The following NYAP2 variants were observed in gnomAD, a reference collection of about 807,000 sequenced individuals.
NYAP2 encodes neuronal tyrosine-phosphorylated phosphoinositide-3-kinase adaptor 2, also known as neuronal tyrosine-phosphorylated phosphoinositide-3-kinase adapter 2.
In NYAP2, 23 loss-of-function variants were observed where a neutral mutation model predicts 50.4. The observed-to-expected ratio is 0.46, with a 90% CI of 0.33 to 0.65. The LOEUF is 0.65. Among genes scored for constraint, NYAP2 ranks in the 30% least tolerant of loss-of-function variants. NYAP2 has a pLI of 0.02. For synonymous variants in NYAP2, 394 were observed against 365.2 expected (o/e 1.08, Z -0.90); for missense variants, 885 against 861.0 (o/e 1.03, Z -0.35).
At chr2:225,626,209 A>T (rs2106257466) in intron 5 of NYAP2, among the ~76,000 whole-genome samples, 1 of 152,330 alleles carries the variant, frequency 6.6e-6, no homozygotes, top group African/African-American at 2.4e-5. Flanking sequence ...GATAAAAAGA[A>T]TGGTCCAGGC....
rs751749682 is a variant in NYAP2, at chr2:225,527,131, C to T, written c.523+13459C>T. On this transcript the variant is annotated intron_variant, in intron 4 of 6. Coordinates refer to ENST00000636099, the Ensembl canonical transcript of NYAP2. ...CTGCCTTTTTACTGGTCTCACCCAA[C>T]ATCTTCCTATTAAGTTCAGCATTGG... 1.6e-4 allele frequency among the ~76,000 whole-genome samples: 25 copies of T among 152,208 alleles called. 1 individual carries two copies. Among genetic ancestry groups the T allele is most frequent in the Non-Finnish European group, 1.6e-4 (11 of 68,046 alleles).
chr2:225,607,781 A>G (rs1182724050), intron 5 of NYAP2, among the ~76,000 whole-genome samples: 1 of 152,160 alleles, frequency 6.6e-6, no homozygotes, highest in Non-Finnish European at 1.5e-5. Flanking sequence ...GAAAAGGACT[A>G]AAAGCACACC....
chr2:225,598,310 T>A (rs1480725253), intron 5 of NYAP2, among the ~76,000 whole-genome samples: 2 of 152,052 alleles, frequency 1.3e-5, no homozygotes, highest in African/African-American at 2.4e-5. Context: ...ATGTAATTTT[T>A]AAAAATGTCC....
intron 4 of NYAP2, among the ~76,000 whole-genome samples, chr2:225,529,168 C>T (rs1223951462): frequency 1.3e-5 from 2 of 152,124 alleles, no homozygotes; most frequent in East Asian, 1.9e-4. Context: ...AAACGACTTC[C>T]ACCTCTTTAT....
At chr2:225,635,884 A>C (rs1693405908) in intron 6 of NYAP2, among the ~76,000 whole-genome samples, 2 of 152,236 alleles carry the variant, frequency 1.3e-5, no homozygotes, top group African/African-American at 4.8e-5. Context: ...CCAGGTTGTC[A>C]AGGATGTGGG....
intron 3 of NYAP2, among the ~76,000 whole-genome samples, chr2:225,494,614 A>G (rs1011437723): frequency 6.6e-6 from 1 of 152,226 alleles, no homozygotes; most frequent in Non-Finnish European, 1.5e-5. Context: ...GAGACAGGTT[A>G]GAAGGAAATT....
intron 3 of NYAP2, 144 bp downstream of exon 3, chr2:225,409,245 A>G: frequency 1.6e-6 from 1 of 614,354 alleles, no homozygotes; most frequent in Non-Finnish European, 2.8e-6. Flanking sequence ...CGACCCCTCA[A>G]CTATAACAAA....
chr2:225,450,558 C>T lies in NYAP2; in HGVS notation c.221+41457C>T, dbSNP rs913406566. The stretch of plus-strand genomic sequence containing the variant: ...ACTTTTCAGGTTCAAACTCCAGCTC[C>T]GCTACTTGATAATGTATGTGTTTTG... On this transcript the variant is annotated intron_variant, in intron 3 of 6. Transcript: ENST00000636099. 3.9e-5 allele frequency among the ~76,000 whole-genome samples: 6 copies of T among 152,154 alleles called. No homozygotes were observed. In the South Asian group the frequency reaches 1.0e-3, roughly 26 times the overall value.
At chr2:225,416,311 C>G (rs1695121346) in intron 3 of NYAP2, among the ~76,000 whole-genome samples, 1 of 151,990 alleles carries the variant, frequency 6.6e-6, no homozygotes, top group Admixed American at 6.6e-5. Flanking sequence ...AAAATTAGAC[C>G]AGAAAAATTC....
intron 2 of NYAP2, among the ~76,000 whole-genome samples, chr2:225,404,393 C>T (rs1694907034): frequency 6.6e-6 from 1 of 151,784 alleles, no homozygotes; most frequent in South Asian, 2.1e-4. Context: ...AGCTTATGCT[C>T]CACATGTGTA....
intron 3 of NYAP2, among the ~76,000 whole-genome samples, chr2:225,501,113 C>G (rs1690598735): frequency 6.6e-6 from 1 of 152,156 alleles, no homozygotes; most frequent in African/African-American, 2.4e-5. Flanking sequence ...TCTGCCACTT[C>G]TTTGAGTTGT....
intron 3 of NYAP2, among the ~76,000 whole-genome samples, chr2:225,465,206 C>G (rs1019550795): frequency 6.6e-6 from 1 of 152,100 alleles, no homozygotes; most frequent in African/African-American, 2.4e-5. Context: ...TTCTTTGCCA[C>G]TGGGACAAAA....
chr2:225,687,581 C>A, the NYAP2 span, among the ~76,000 whole-genome samples: 1 of 152,052 alleles, frequency 6.6e-6, no homozygotes, highest in Admixed American at 6.6e-5. Flanking sequence ...AATTTTATTT[C>A]TTAAGTAATA....
chr2:225,560,933 G>GTTTTT lies in NYAP2; in HGVS notation c.524-20997_524-20993dup, dbSNP rs34298369. On this transcript the variant is annotated intron_variant, in intron 4 of 6. Coordinates refer to ENST00000636099, the Ensembl canonical transcript of NYAP2. ...AGGCAACAAAGGACCTTTCCAAAAC[G>GTTTTT]TTTTTTTTTTTTTTTGGTGGCTTCT... 5.9e-5 allele frequency among the ~76,000 whole-genome samples: 8 copies of GTTTTT among 136,456 alleles called. 1 individual carries two copies. The highest frequency in any genetic ancestry group is 1.1e-4 in the Non-Finnish European group (7 of 64,486). The allele number at this position is 136,456 out of a possible 152,430, so 89.5% of individuals were successfully genotyped here. A position where few individuals can be genotyped will look rare whatever the true frequency, so the allele number is the denominator to read the frequency against.
chr2:225,625,770 A>G (rs1476457649), intron 5 of NYAP2, among the ~76,000 whole-genome samples: 2 of 152,312 alleles, frequency 1.3e-5, no homozygotes, highest in South Asian at 4.1e-4. Context: ...TAGACATTCT[A>G]TGGGCAACAG....
At chr2:225,594,112 T>C (rs1430116337) in intron 5 of NYAP2, among the ~76,000 whole-genome samples, 1 of 152,204 alleles carries the variant, frequency 6.6e-6, no homozygotes, top group Non-Finnish European at 1.5e-5. Flanking sequence ...ATTGATCTCT[T>C]TTCTATGTTT....
At chr2:225,622,557 CTTTTTCTTTCTTT>C (rs1693132598) in intron 5 of NYAP2, among the ~76,000 whole-genome samples, 1 of 48,664 alleles carries the variant, frequency 2.1e-5, no homozygotes, top group East Asian at 6.2e-4. Context: ...TTCTTTCTTT[CTTTTTCTTTCTTT>C]CTTTCTTTCT....
chr2:225,612,335 A>G (rs1574708807), intron 5 of NYAP2, among the ~76,000 whole-genome samples: 3 of 152,012 alleles, frequency 2.0e-5, no homozygotes, highest in African/African-American at 7.2e-5. Context: ...GAACAAAACA[A>G]AACAAAACAA....
At chr2:225,514,243 A>C (rs1690887644) in intron 4 of NYAP2, among the ~76,000 whole-genome samples, 1 of 152,158 alleles carries the variant, frequency 6.6e-6, no homozygotes, top group African/African-American at 2.4e-5. Context: ...TTGCTGGTCT[A>C]TGAATATAAA....
Sources: allele counts gnomAD v4.1 joint callset (sites outside exome capture counted in the v4.1 genomes callset), GRCh38; gene constraint gnomAD v4.1.1; transcripts MANE v1.5; gene names NCBI Gene and HGNC (gene_info 2026-07-23, HGNC 2026-07-21).